Variants in SPMIP2 observed in about 807,000 individuals in gnomAD.
SPMIP2 encodes the protein protein SPMIP2.
chr4:159,024,810 A>T, the SPMIP2 span, among the ~76,000 whole-genome samples: 1 of 152,234 alleles, frequency 6.6e-6, no homozygotes, highest in Non-Finnish European at 1.5e-5. Context: ...AATGTTTGTC[A>T]GGATAATGAT....
At chr4:158,948,637 CAG>C in the SPMIP2 span, among the ~76,000 whole-genome samples, 2 of 146,442 alleles carry the variant, frequency 1.4e-5, no homozygotes, top group African/African-American at 2.5e-5. Flanking sequence ...TTTTTTAAGA[CAG>C]AGTCTTGCTC....
the SPMIP2 span, among the ~76,000 whole-genome samples, chr4:158,910,414 AC>A: frequency 6.6e-6 from 1 of 152,014 alleles, no homozygotes; most frequent in Admixed American, 6.6e-5. Flanking sequence ...AGTTGGGATT[AC>A]AGGCATGCAC....
At chr4:158,970,713 C>CT in the SPMIP2 span, among the ~76,000 whole-genome samples, 629 of 148,930 alleles carry the variant, frequency 4.2e-3, 2 homozygotes, top group African/African-American at 0.012. Context: ...CTCAGTGAAT[C>CT]TTTTTTTTTT....
the SPMIP2 span, among the ~76,000 whole-genome samples, chr4:159,051,142 C>A: frequency 6.6e-6 from 1 of 151,602 alleles, no homozygotes; most frequent in Non-Finnish European, 1.5e-5. Context: ...AAGATGTTTC[C>A]AAAAAAGTGC....
At chr4:159,007,696 G>A in the SPMIP2 span, 7 of 704,846 alleles carry the variant, frequency 9.9e-6, no homozygotes, top group South Asian at 6.7e-5. Flanking sequence ...GTGCACCAGC[G>A]AGATGAGGCA....
chr4:158,899,154 T>C, the SPMIP2 span, among the ~76,000 whole-genome samples: 1 of 152,188 alleles, frequency 6.6e-6, no homozygotes, highest in Admixed American at 6.5e-5. Flanking sequence ...TTACCTTTAT[T>C]GATTTGTGTA....
chr4:159,058,582 T>C, the SPMIP2 span, among the ~76,000 whole-genome samples: 2 of 152,184 alleles, frequency 1.3e-5, no homozygotes, highest in African/African-American at 2.4e-5. Context: ...AGGGCAACTC[T>C]ACCTAAAGGC....
chr4:159,081,004 C>T, the SPMIP2 span, among the ~76,000 whole-genome samples: 38 of 149,640 alleles, frequency 2.5e-4, no homozygotes, highest in African/African-American at 8.8e-4. Flanking sequence ...ATTACAGGCA[C>T]GAATGACTGT....
At chr4:158,902,993 C>A in the SPMIP2 span, among the ~76,000 whole-genome samples, 2 of 152,166 alleles carry the variant, frequency 1.3e-5, no homozygotes, top group Admixed American at 6.5e-5. Context: ...GGGGAGTGAA[C>A]CGTTCTGTCT....
At chr4:158,952,300 C>G in the SPMIP2 span, among the ~76,000 whole-genome samples, 1 of 152,142 alleles carries the variant, frequency 6.6e-6, no homozygotes, top group South Asian at 2.1e-4. Context: ...TCCCATAATT[C>G]CCACATGTTG....
chr4:158,929,048 C>A, the SPMIP2 span, among the ~76,000 whole-genome samples: 1 of 152,202 alleles, frequency 6.6e-6, no homozygotes, highest in African/African-American at 2.4e-5. Context: ...GTCAGTGAGA[C>A]AAAGAACCCA....
the SPMIP2 span, among the ~76,000 whole-genome samples, chr4:159,075,936 C>A: frequency 6.6e-6 from 1 of 152,040 alleles, no homozygotes; most frequent in African/African-American, 2.4e-5. Flanking sequence ...GCTGGTGGCA[C>A]TAATTTTTTT....
the SPMIP2 span, among the ~76,000 whole-genome samples, chr4:159,005,095 G>C: frequency 6.6e-6 from 1 of 151,822 alleles, no homozygotes; most frequent in African/African-American, 2.4e-5. Context: ...GCTGGGCATG[G>C]TAGCGCAAGC....
chr4:158,969,690 G>C, the SPMIP2 span, among the ~76,000 whole-genome samples: 1 of 152,184 alleles, frequency 6.6e-6, no homozygotes, highest in Non-Finnish European at 1.5e-5. Context: ...TTCCCAGGTA[G>C]GAGGCAGCTG....
the SPMIP2 span, among the ~76,000 whole-genome samples, chr4:158,967,181 A>C: frequency 1.3e-5 from 2 of 152,226 alleles, no homozygotes; most frequent in Admixed American, 1.3e-4. Context: ...TGTTTCCTTC[A>C]ATGTATTTGA....
the SPMIP2 span, among the ~76,000 whole-genome samples, chr4:158,922,025 C>T: frequency 2.0e-5 from 3 of 151,578 alleles, no homozygotes; most frequent in African/African-American, 7.3e-5. Context: ...GTAGCTGGGA[C>T]TACAGGCGCC....
the SPMIP2 span, among the ~76,000 whole-genome samples, chr4:159,015,007 TA>T: frequency 6.6e-6 from 1 of 152,220 alleles, no homozygotes; most frequent in Non-Finnish European, 1.5e-5. Context: ...CCATGTGTTA[TA>T]ACTACAGTGA....
chr4:158,897,608 T>A, the SPMIP2 span, among the ~76,000 whole-genome samples: 11 of 152,242 alleles, frequency 7.2e-5, no homozygotes, highest in Admixed American at 1.3e-4. Flanking sequence ...ATGAGCTTTT[T>A]TTCATATGTT....
the SPMIP2 span, among the ~76,000 whole-genome samples, chr4:158,961,380 C>A: frequency 6.6e-6 from 1 of 152,038 alleles, no homozygotes; most frequent in African/African-American, 2.4e-5. Context: ...GGATAAAGAC[C>A]TGAAACCTTA....
Sources: allele counts gnomAD v4.1 joint callset (sites outside exome capture counted in the v4.1 genomes callset), GRCh38; gene constraint gnomAD v4.1.1; transcripts MANE v1.5; gene names NCBI Gene and HGNC (gene_info 2026-07-23, HGNC 2026-07-21).